AUTS2: variants seen among roughly 807,000 people sequenced by gnomAD.
AUTS2 encodes activator of transcription and developmental regulator AUTS2.
AUTS2 carries 17 observed loss-of-function variants against 112.4 expected under a neutral mutation model. That is an observed-to-expected ratio of 0.15 (90% CI 0.10 to 0.23). The LOEUF is 0.23. Among genes scored for constraint, AUTS2 ranks in the 10% least tolerant of loss-of-function variants. The pLI is 1.00. For missense variants in AUTS2, 1,510 were observed against 1,701.6 expected (o/e 0.89, Z 1.98); for synonymous variants, 751 against 702.7 (o/e 1.07, Z -1.09).
chr7:70,540,288 A>G (rs1800498142), intron 5 of AUTS2, among the ~76,000 whole-genome samples: 1 of 152,152 alleles, frequency 6.6e-6, no homozygotes, highest in Non-Finnish European at 1.5e-5. Context: ...TCTTGCTACC[A>G]TCCTCTCTCT....
chr7:70,542,809 C>T (rs1326733223), intron 5 of AUTS2, among the ~76,000 whole-genome samples: 2 of 152,210 alleles, frequency 1.3e-5, no homozygotes, highest in Non-Finnish European at 2.9e-5. Context: ...TGTCTGACTT[C>T]TGGTGCCCCA....
intron 14 of AUTS2, among the ~76,000 whole-genome samples, chr7:70,779,305 C>A (rs1285036045): frequency 1.3e-5 from 2 of 152,198 alleles, no homozygotes; most frequent in Admixed American, 1.3e-4. Flanking sequence ...TTCATTTACG[C>A]ATTCTTTTAG....
At chr7:70,286,863 C>T (rs537308904) in intron 4 of AUTS2, among the ~76,000 whole-genome samples, 68 of 152,224 alleles carry the variant, frequency 4.5e-4, no homozygotes, top group African/African-American at 1.4e-3. Context: ...GAAAATGAGT[C>T]CCAAAATTGG....
chr7:70,688,206 A>G (rs1363735488), intron 5 of AUTS2, among the ~76,000 whole-genome samples: 1 of 152,132 alleles, frequency 6.6e-6, no homozygotes, highest in East Asian at 1.9e-4. Flanking sequence ...TGCTGGGACA[A>G]TTTCCACCGT....
In AUTS2 at chr7:70,298,316, GCCA is replaced by G. The variant is rs1207087724; in HGVS notation, c.661-137434_661-137432del. Among the ~76,000 whole-genome samples, 7 of 152,262 alleles carry G rather than the reference GCCA, an allele frequency of 4.6e-5. No homozygotes were observed. In the East Asian group the frequency reaches 1.2e-3, roughly 25 times the overall value. On this transcript the variant is annotated intron_variant, in intron 4 of 18. Coordinates refer to ENST00000342771, the MANE Select transcript of AUTS2 (RefSeq NM_015570.4). ...CAAAGTGCTGGGATTCCAGGTGTAAGCCACTGCACCTGGCCCAAAGTCTCTTTA... is the reference window on the plus strand; with the variant it reads ...CAAAGTGCTGGGATTCCAGGTGTAAGCTGCACCTGGCCCAAAGTCTCTTTA...
chr7:70,161,488 G>T (rs573468155), intron 4 of AUTS2, among the ~76,000 whole-genome samples: 1 of 151,212 alleles, frequency 6.6e-6, no homozygotes, highest in South Asian at 2.1e-4. Context: ...CACCAACCTT[G>T]ACTTTTTAAT....
At chr7:70,554,107 C>T (rs1290015460) in intron 5 of AUTS2, among the ~76,000 whole-genome samples, 1 of 133,744 alleles carries the variant, frequency 7.5e-6, no homozygotes, top group Non-Finnish European at 1.6e-5. Context: ...TCGCTCTTGT[C>T]GCCCAGGCTG....
chr7:69,941,588 T>C (rs1796628669), intron 2 of AUTS2, among the ~76,000 whole-genome samples: 1 of 152,078 alleles, frequency 6.6e-6, no homozygotes, highest in Non-Finnish European at 1.5e-5. Context: ...GATTTTTTTT[T>C]TTTTTTTGGC....
chr7:69,729,966 T>C (rs1285887569), intron 1 of AUTS2, among the ~76,000 whole-genome samples: 1 of 149,738 alleles, frequency 6.7e-6, no homozygotes, highest in African/African-American at 2.5e-5. Flanking sequence ...TCTTAACTGG[T>C]ATGTTTTTTT....
intron 1 of AUTS2, among the ~76,000 whole-genome samples, chr7:69,682,505 A>G (rs1206249984): frequency 1.3e-5 from 2 of 152,208 alleles, no homozygotes; most frequent in East Asian, 1.9e-4. Context: ...GTATGAAAAC[A>G]CTGGATGTCT....
chr7:69,654,313 T>C (rs1403362037), intron 1 of AUTS2, among the ~76,000 whole-genome samples: 1 of 152,218 alleles, frequency 6.6e-6, no homozygotes, highest in Non-Finnish European at 1.5e-5. Flanking sequence ...GAGGAGAAGC[T>C]GCTCTCCTCG....
chr7:70,243,230 CTTGT>C (rs1311989731), intron 4 of AUTS2, among the ~76,000 whole-genome samples: 4 of 92,524 alleles, frequency 4.3e-5, no homozygotes, highest in African/African-American at 8.3e-5. Context: ...AGAATGTATC[CTTGT>C]GTGTGTGTGT....
In AUTS2 at chr7:70,694,493, C is replaced by A. The variant is rs1310355441; in HGVS notation, c.691-4076C>A. The A allele has an allele frequency of 6.7e-6, 1 of 148,738 alleles. No individual in the cohort carries two copies. The highest frequency in any genetic ancestry group is 1.5e-5 in the Non-Finnish European group (1 of 66,844). The allele number at this position is 148,738 out of a possible 1,614,324, so 9.2% of individuals were successfully genotyped here. ...GCCGCCGGGGAGAAGCCGCCGCGCG[C>A]CCTCCTCCTCCTCCTCCCTCTCCCT... On this transcript the variant is annotated intron_variant, in intron 5 of 18. Transcript: ENST00000342771. This position sits in a 1 kb window ranked among gnomAD's most constrained non-coding sequence, Gnocchi z 4.1.
chr7:69,604,713 A>T (rs1378246300), intron 1 of AUTS2, among the ~76,000 whole-genome samples: 1 of 152,260 alleles, frequency 6.6e-6, no homozygotes, highest in Admixed American at 6.5e-5. Context: ...AAATGAGTAC[A>T]AAGGTGGTAA....
At chr7:70,590,633 T>C (rs1023286616) in intron 5 of AUTS2, among the ~76,000 whole-genome samples, 1 of 152,186 alleles carries the variant, frequency 6.6e-6, no homozygotes, top group Non-Finnish European at 1.5e-5. Context: ...AAGAAACTTC[T>C]GTTAAATCGT....
chr7:70,617,447 G>T (rs1050097241), intron 5 of AUTS2, among the ~76,000 whole-genome samples: 1 of 152,142 alleles, frequency 6.6e-6, no homozygotes, highest in Non-Finnish European at 1.5e-5. Context: ...CGGATCATGA[G>T]GTCAGGAGAT....
In AUTS2 at chr7:70,754,535, A is replaced by G. The variant is rs554262725; in HGVS notation, c.743-8335A>G. Among the ~76,000 whole-genome samples, 3 of 152,246 alleles carry G rather than the reference A, an allele frequency of 2.0e-5. No homozygotes were observed. The South Asian group carries it at 6.2e-4, about 32-fold the overall frequency. ...ATTGCTACCAGCTTGAGGTAATTGC[A>G]TGTTGATTCACAGAAATTTGATATT... On this transcript the variant is annotated intron_variant, in intron 6 of 18. Coordinates refer to ENST00000342771, the MANE Select transcript of AUTS2 (RefSeq NM_015570.4).
At chr7:69,604,201 C>T (rs1792588501) in intron 1 of AUTS2, among the ~76,000 whole-genome samples, 1 of 152,234 alleles carries the variant, frequency 6.6e-6, no homozygotes, top group African/African-American at 2.4e-5. Flanking sequence ...TTCCCCCACA[C>T]ATCAGTAGCA....
chr7:69,817,229 A>T (rs1790801670), intron 1 of AUTS2, among the ~76,000 whole-genome samples: 1 of 152,222 alleles, frequency 6.6e-6, no homozygotes, highest in Non-Finnish European at 1.5e-5. Context: ...GATTGCTAAG[A>T]TATAAGCAGG....
Sources: gnomAD v4.1 joint callset for allele counts (sites outside exome capture counted in the v4.1 genomes callset) on GRCh38, gnomAD v4.1.1 for gene constraint, Gnocchi (gnomAD v3.1) non-coding constraint, MANE v1.5 for transcripts, NCBI Gene and HGNC (gene_info 2026-07-23, HGNC 2026-07-21) for gene names.